PARD6G: variants seen among roughly 807,000 people sequenced by gnomAD.
PARD6G encodes the protein par-6 family cell polarity regulator gamma.
PARD6G carries 7 observed loss-of-function variants against 10.7 expected under a neutral mutation model. That is an observed-to-expected ratio of 0.66 (90% CI 0.37 to 1.23). The LOEUF is 1.23. Ranked by LOEUF, PARD6G falls within the 50% of genes most tolerant of loss-of-function variation. The probability of loss-of-function intolerance (pLI) is 0.02; values close to 1 mark genes in which losing one functional copy is unlikely to be tolerated. For missense variants in PARD6G, 548 were observed against 571.8 expected (o/e 0.96, Z 0.42); for synonymous variants, 287 against 269.4 (o/e 1.07, Z -0.64).
At chr18:80,241,631 C>A (rs1967490949) in intron 1 of PARD6G, among the ~76,000 whole-genome samples, 1 of 152,190 alleles carries the variant, frequency 6.6e-6, no homozygotes, top group Non-Finnish European at 1.5e-5. Context: ...GCACAGCAGG[C>A]AACGTCCAGC....
intron 1 of PARD6G, among the ~76,000 whole-genome samples, chr18:80,223,035 A>C (rs1967250049): frequency 6.6e-6 from 1 of 152,206 alleles, no homozygotes; most frequent in Non-Finnish European, 1.5e-5. Context: ...CAGTCTTTTC[A>C]ACAAATGGTG....
intron 2 of PARD6G, among the ~76,000 whole-genome samples, 181 bp from the exon 3 acceptor site, chr18:80,160,787 T>G (rs892751630): frequency 6.6e-6 from 1 of 152,124 alleles, no homozygotes. Context: ...CCCCTAAAAT[T>G]AACTCTCTAG....
In PARD6G at chr18:80,247,249, G is replaced by C; in HGVS notation, c.72+28C>G. ...TTCATTAGCCAGGAGACTGGGCGCAGGGCCGCCGGGGCGGGCGGGGGGCTT... is the reference window on the plus strand; with the variant it reads ...TTCATTAGCCAGGAGACTGGGCGCACGGCCGCCGGGGCGGGCGGGGGGCTT... On this transcript the variant is annotated intron_variant, in intron 1 of 2. Transcript: ENST00000353265. The surrounding 1 kb of genome is among the most constrained non-coding windows in gnomAD (Gnocchi z 4.2). The C allele has an allele frequency of 3.2e-6, 5 of 1,557,408 alleles. No homozygotes were observed. Among genetic ancestry groups the C allele is most frequent in the Non-Finnish European group, 3.5e-6 (4 of 1,148,866 alleles).
Position 80,182,895 on chromosome 18 carries a change from GC to G in PARD6G, c.295+19814del, listed in dbSNP as rs2052855156. On this transcript the variant is annotated intron_variant, in intron 2 of 2. Coordinates refer to ENST00000353265, the MANE Select transcript of PARD6G (RefSeq NM_032510.4). This position sits in a 1 kb window ranked among gnomAD's most constrained non-coding sequence, Gnocchi z 4.5. The stretch of plus-strand genomic sequence containing the variant: ...TTTATTTCTTAGTTCTAGGTACAGG[GC>G]TAGATGTTTGGCTGAAGCTGCGTGT... 3.4e-6 allele frequency: 2 copies of G among 584,042 alleles called. No individual in the cohort carries two copies. The highest frequency in any genetic ancestry group is 3.7e-5 in the African/African-American group (2 of 53,632). The allele number at this position is 584,042 out of a possible 1,614,324, so 36.2% of individuals were successfully genotyped here.
chr18:80,236,407 C>G (rs1407654285), intron 1 of PARD6G, among the ~76,000 whole-genome samples: 1 of 152,160 alleles, frequency 6.6e-6, no homozygotes, highest in African/African-American at 2.4e-5. Context: ...CTTGAATGGG[C>G]AAAACCTGGA....
intron 2 of PARD6G, among the ~76,000 whole-genome samples, chr18:80,199,844 C>T (rs1026524454): frequency 6.6e-5 from 10 of 152,258 alleles, no homozygotes; most frequent in African/African-American, 2.4e-4. Flanking sequence ...AGGGTTTCAC[C>T]ATGTTGGCCA....
Position 80,200,192 on chromosome 18 carries a change from T to C in PARD6G, c.295+2518A>G, listed in dbSNP as rs923353394. 2.0e-5 allele frequency among the ~76,000 whole-genome samples: 3 copies of C among 152,132 alleles called. No individual in the cohort carries two copies. The highest frequency in any genetic ancestry group is 1.3e-4 in the Admixed American group (2 of 15,276). On this transcript the variant is annotated intron_variant, in intron 2 of 2. Transcript: ENST00000353265. This position sits in a 1 kb window ranked among gnomAD's most constrained non-coding sequence, Gnocchi z 4.4. ...AGTAAAAAGGCTGTGGGATTGAGTG[T>C]TGCCTCTCAGGGGCCTCAGCTCTGC...
At chr18:80,186,185 T>C (rs1280753034) in intron 2 of PARD6G, among the ~76,000 whole-genome samples, 4 of 101,576 alleles carry the variant, frequency 3.9e-5, no homozygotes, top group South Asian at 3.7e-4. Context: ...CACCCACACA[T>C]GCACCCTCAC....
At chr18:80,169,885 C>A (rs1024650407) in intron 2 of PARD6G, 2 of 152,174 alleles carry the variant, frequency 1.3e-5, no homozygotes, top group Non-Finnish European at 2.9e-5. Flanking sequence ...AAAGCAGCTG[C>A]CAGCTTAAAT....
rs953827268 is a variant in PARD6G, at chr18:80,247,091, G to C, written c.72+186C>G. 3.9e-5 allele frequency among the ~76,000 whole-genome samples: 6 copies of C among 152,136 alleles called. No individual in the cohort carries two copies. The highest frequency in any genetic ancestry group is 1.4e-4 in the African/African-American group (6 of 41,444). On this transcript the variant is annotated intron_variant, in intron 1 of 2. Transcript: ENST00000353265. The surrounding 1 kb of genome is among the most constrained non-coding windows in gnomAD (Gnocchi z 4.2). ...CGCGGCTGCCGGGCTTTGTGTCCGC[G>C]CGGGGGGCGGGAAGGACGGCCGGGG...
chr18:80,172,018 G>C (rs1333956838), intron 2 of PARD6G, among the ~76,000 whole-genome samples: 2 of 152,232 alleles, frequency 1.3e-5, no homozygotes, highest in African/African-American at 2.4e-5. Context: ...GCAGAACCAA[G>C]TTTTTGTGTG....
intron 2 of PARD6G, among the ~76,000 whole-genome samples, chr18:80,194,855 A>C (rs1326390091): frequency 6.6e-6 from 1 of 152,206 alleles, no homozygotes; most frequent in African/African-American, 2.4e-5. Flanking sequence ...TGAGGAGACC[A>C]GGGGCTCAAG....
At chr18:80,205,650 C>T (rs1055241638) in intron 1 of PARD6G, among the ~76,000 whole-genome samples, 5 of 152,216 alleles carry the variant, frequency 3.3e-5, no homozygotes, top group Admixed American at 3.3e-4. Context: ...TGCCTACTCC[C>T]ATCTTGCCTT....
chr18:80,205,492 T>G (rs750074349), intron 1 of PARD6G, among the ~76,000 whole-genome samples: 9 of 152,136 alleles, frequency 5.9e-5, no homozygotes, highest in Non-Finnish European at 1.2e-4. Context: ...GGTGACTGGA[T>G]CATGAGGGCA....
intron 2 of PARD6G, among the ~76,000 whole-genome samples, chr18:80,172,062 G>A (rs1272202100): frequency 6.6e-6 from 1 of 152,198 alleles, no homozygotes; most frequent in Non-Finnish European, 1.5e-5. Context: ...TATACACCTA[G>A]GGGTGGAATT....
chr18:80,222,450 C>A (rs1280271913), intron 1 of PARD6G, among the ~76,000 whole-genome samples: 1 of 152,126 alleles, frequency 6.6e-6, no homozygotes, highest in Non-Finnish European at 1.5e-5. Flanking sequence ...TTCAATACAA[C>A]CCCATCAGAA....
At chr18:80,220,595 T>C (rs1211643290) in intron 1 of PARD6G, among the ~76,000 whole-genome samples, 1 of 152,058 alleles carries the variant, frequency 6.6e-6, no homozygotes, top group African/African-American at 2.4e-5. Flanking sequence ...GGGAACTCTC[T>C]GCAATCTTTG....
At chr18:80,214,339 G>A (rs1044561068) in intron 1 of PARD6G, among the ~76,000 whole-genome samples, 4 of 151,924 alleles carry the variant, frequency 2.6e-5, no homozygotes, top group Non-Finnish European at 5.9e-5. Flanking sequence ...GGGGGTGAGC[G>A]CCTGTAGTCT....
chr18:80,213,946 CAA>C (rs36051371), intron 1 of PARD6G, among the ~76,000 whole-genome samples: 3 of 115,828 alleles, frequency 2.6e-5, no homozygotes, highest in African/African-American at 6.9e-5. Context: ...GACTCCATCT[CAA>C]AAAAAAAAAA....
Sources: gnomAD v4.1 joint callset for allele counts (sites outside exome capture counted in the v4.1 genomes callset) on GRCh38, gnomAD v4.1.1 for gene constraint, Gnocchi (gnomAD v3.1) non-coding constraint, MANE v1.5 for transcripts, NCBI Gene and HGNC (gene_info 2026-07-23, HGNC 2026-07-21) for gene names.